Variants in MPPED1 observed in about 807,000 individuals in gnomAD.
The protein encoded by MPPED1 is metallophosphoesterase domain containing 1.
A neutral mutation model predicts 36.2 loss-of-function variants in MPPED1; 16 were observed. The ratio of observed to expected loss-of-function variants is 0.44; its 90% CI spans 0.30 to 0.67. The LOEUF (loss-of-function observed/expected upper bound fraction) is 0.67, where lower values mean the gene tolerates loss of function less well. MPPED1 is among the 30% of genes least tolerant of loss of function. The pLI, the probability that MPPED1 is intolerant of heterozygous loss-of-function variation, is 0.10. For missense variants in MPPED1, 307 were observed against 453.4 expected, an observed-to-expected ratio of 0.68 and a Z score of 2.93; for synonymous variants, 199 against 191.3, an observed-to-expected ratio of 1.04 and a Z score of -0.33.
rs1932758782 is a variant in MPPED1, at chr22:43,502,704, C to T, written c.809C>T (p.Thr270Met). The T allele has an allele frequency of 3.1e-6, 5 of 1,613,302 alleles. No individual in the cohort carries two copies. Among genetic ancestry groups the T allele is most frequent in the Non-Finnish European group, 4.2e-6 (5 of 1,179,852 alleles). The change falls in exon 6 of 7, where the codon ACG becomes ATG. Residue 270 changes from threonine (T) to methionine (M), a missense_variant. Coordinates refer to ENST00000443721, the MANE Select transcript of MPPED1 (RefSeq NM_001044370.2). This position sits in a 1 kb window ranked among gnomAD's most constrained non-coding sequence, Gnocchi z 5.5. ...GTGGGCTGTGTGGAGCTGCTCAACACGGTGCAGAGGCGCGTCCAGCCGCGG... is the reference window on the plus strand; with the variant it reads ...GTGGGCTGTGTGGAGCTGCTCAACATGGTGCAGAGGCGCGTCCAGCCGCGG... The part of the protein sequence containing the change: ...QRVGCVELLN[T>M]VQRRVQPRLH...
At position 43,501,127 on chromosome 22, in the gene MPPED1, C is replaced by T. The variant is rs187662273; in HGVS notation, c.749-1517C>T. On this transcript the variant is annotated intron_variant, in intron 5 of 6. Transcript: ENST00000443721. ...TCAGCCTCACCCTCACAGGTGGAAG[C>T]GGAGGCCTGGGCCCTGGTGTGATTT... is the stretch of plus-strand genomic sequence containing the variant. Among the ~76,000 whole-genome samples, 65 of 152,272 alleles carry T rather than the reference C, an allele frequency of 4.3e-4. 2 individuals are homozygous for T. The Middle Eastern group carries it at 0.014, about 32-fold the overall frequency.
At chr22:43,447,601 A>T (rs1169504009) in intron 3 of MPPED1, among the ~76,000 whole-genome samples, 2 of 151,872 alleles carry the variant, frequency 1.3e-5, no homozygotes, top group African/African-American at 4.8e-5. Context: ...AGTGGAAACC[A>T]GCAGGTGCTG....
At chr22:43,439,218 G>C (rs1463705732) in intron 3 of MPPED1, among the ~76,000 whole-genome samples, 1 of 152,206 alleles carries the variant, frequency 6.6e-6, no homozygotes, top group African/African-American at 2.4e-5. Context: ...TCATGGGAGG[G>C]GGACGGGTTG....
intron 4 of MPPED1, 58 bp from the exon 5 acceptor site, chr22:43,498,177 C>T (rs1303752559): frequency 5.0e-6 from 7 of 1,400,130 alleles, no homozygotes; most frequent in Non-Finnish European, 6.8e-6. Flanking sequence ...TCCGCATTCC[C>T]TCTGACCACC....
In MPPED1 at chr22:43,502,661, C is replaced by G. The variant is rs759881925; in HGVS notation, c.766C>G (p.Pro256Ala). ...CATACCAGGCTTCCTGGACTGGGTC[C>G]CCAAGAAGATGCAGCGGGTGGGCTG... ...GPPLGFLDWV[P>A]KKMQRVGCVE... The change falls in exon 6 of 7, where the codon CCC becomes GCC. Residue 256 changes from proline (P) to alanine (A), a missense_variant. Physicochemically the swap from Pro to Ala is conservative, Grantham distance 27. Transcript: ENST00000443721. This position sits in a 1 kb window ranked among gnomAD's most constrained non-coding sequence, Gnocchi z 5.5. 6.2e-7 allele frequency: 1 copy of G among 1,613,286 alleles called. No homozygotes were observed. The highest frequency in any genetic ancestry group is 8.5e-7 in the Non-Finnish European group (1 of 1,179,842).
In MPPED1 at chr22:43,428,529, C is replaced by G. The variant is rs137993450; in HGVS notation, c.224+3320C>G. 4.3e-4 allele frequency among the ~76,000 whole-genome samples: 66 copies of G among 152,298 alleles called. 1 individual carries two copies. Among genetic ancestry groups the G allele is most frequent in the African/African-American group, 1.4e-3 (60 of 41,556 alleles). ...CCATGGCGAGTCGGCTGCTCCCTCC[C>G]AGGAGCGGTGGGGGGATGGCTGCCA... is the stretch of plus-strand genomic sequence containing the variant. On this transcript the variant is annotated intron_variant, in intron 2 of 6. Transcript: ENST00000443721.
At chr22:43,417,671 G>A (rs539139667) in intron 1 of MPPED1, 2 of 172,732 alleles carry the variant, frequency 1.2e-5, no homozygotes, top group East Asian at 3.2e-4. Flanking sequence ...CACTTAGGAA[G>A]GGTTAGTGTG....
chr22:43,433,818 G>A (rs1929854720), intron 2 of MPPED1, among the ~76,000 whole-genome samples: 1 of 152,154 alleles, frequency 6.6e-6, no homozygotes, highest in Non-Finnish European at 1.5e-5. Flanking sequence ...TAACTGATAT[G>A]GCACCGCTTT....
At chr22:43,415,369 T>G (rs1208321486) in intron 1 of MPPED1, among the ~76,000 whole-genome samples, 4 of 152,172 alleles carry the variant, frequency 2.6e-5, no homozygotes, top group African/African-American at 9.7e-5. Context: ...CCTGGTGACC[T>G]GACAGGTCTG....
At chr22:43,443,333 C>T (rs544457241) in intron 3 of MPPED1, among the ~76,000 whole-genome samples, 5 of 152,170 alleles carry the variant, frequency 3.3e-5, no homozygotes, top group South Asian at 2.1e-4. Context: ...AGGTCTGATT[C>T]GGGTTTCTGA....
intron 3 of MPPED1, among the ~76,000 whole-genome samples, chr22:43,464,726 A>G (rs1379800454): frequency 6.6e-6 from 1 of 152,178 alleles, no homozygotes; most frequent in East Asian, 1.9e-4. Context: ...GACTCTGGCC[A>G]CAGCTCACCT....
At chr22:43,434,622 G>A (rs923630979) in intron 2 of MPPED1, among the ~76,000 whole-genome samples, 2 of 152,244 alleles carry the variant, frequency 1.3e-5, no homozygotes, top group Non-Finnish European at 2.9e-5. Context: ...AGCTTCATGG[G>A]AGGGAAGTGA....
At chr22:43,417,092 G>A (rs937675865) in intron 1 of MPPED1, 25 of 800,854 alleles carry the variant, frequency 3.1e-5, no homozygotes, top group Middle Eastern at 1.3e-3. Context: ...GGGGGGTGGC[G>A]GTGGTGAGGA....
At chr22:43,428,216 A>T (rs1371383500) in intron 2 of MPPED1, among the ~76,000 whole-genome samples, 1 of 152,106 alleles carries the variant, frequency 6.6e-6, no homozygotes, top group Non-Finnish European at 1.5e-5. Flanking sequence ...CCCCGCAAGG[A>T]TTCACACCTG....
At chr22:43,445,684 C>T (rs2146846956) in intron 3 of MPPED1, among the ~76,000 whole-genome samples, 1 of 151,816 alleles carries the variant, frequency 6.6e-6, no homozygotes, top group East Asian at 1.9e-4. Context: ...TCTTAGTCCC[C>T]CACCTCACCC....
At chr22:43,467,959 T>C (rs1931231900) in intron 3 of MPPED1, among the ~76,000 whole-genome samples, 2 of 152,144 alleles carry the variant, frequency 1.3e-5, no homozygotes, top group African/African-American at 4.8e-5. Context: ...GAATTGTACC[T>C]TTTGGAGGGA....
chr22:43,497,458 C>G (rs939238822), intron 4 of MPPED1, among the ~76,000 whole-genome samples: 6 of 152,028 alleles, frequency 3.9e-5, no homozygotes, highest in African/African-American at 1.5e-4. Context: ...CCACAGCTCC[C>G]AAGGCTAGAA....
At chr22:43,483,596 C>G (rs962913343) in intron 4 of MPPED1, among the ~76,000 whole-genome samples, 10 of 142,182 alleles carry the variant, frequency 7.0e-5, no homozygotes, top group South Asian at 2.3e-4. Flanking sequence ...TCTTAAGAAC[C>G]CTTTTAAATC....
chr22:43,422,486 A>T (rs1057402481), intron 1 of MPPED1, among the ~76,000 whole-genome samples: 1 of 152,124 alleles, frequency 6.6e-6, no homozygotes, highest in African/African-American at 2.4e-5. Context: ...GCAGGGTCTT[A>T]TGGTCAAGGG....
Sources: gnomAD v4.1 joint callset for allele counts (sites outside exome capture counted in the v4.1 genomes callset) on GRCh38, gnomAD v4.1.1 for gene constraint, Gnocchi (gnomAD v3.1) non-coding constraint, MANE v1.5 for transcripts, NCBI Gene and HGNC (gene_info 2026-07-23, HGNC 2026-07-21) for gene names.